SERPINI1: variants seen among roughly 807,000 people sequenced by gnomAD.
SERPINI1 encodes serpin family I member 1.
In SERPINI1, 19 loss-of-function variants were observed where a neutral mutation model predicts 41.1. The observed-to-expected ratio is 0.46, with a 90% CI of 0.32 to 0.68. The LOEUF is 0.68. Ranked by LOEUF, SERPINI1 falls within the 30% of genes least tolerant of loss-of-function variation. The pLI, the probability that SERPINI1 is intolerant of heterozygous loss-of-function variation, is 0.03. For synonymous variants in SERPINI1, 138 were observed against 156.6 expected, an observed-to-expected ratio of 0.88 and a Z score of 0.89; for missense variants, 460 against 479.2, an observed-to-expected ratio of 0.96 and a Z score of 0.37.
chr3:167,812,801 G>A (rs902703599), intron 6 of SERPINI1, among the ~76,000 whole-genome samples: 3 of 152,122 alleles, frequency 2.0e-5, no homozygotes, highest in African/African-American at 7.2e-5. Context: ...ACACAGTAAA[G>A]GCTCATACAA....
chr3:167,774,612 C>T lies in SERPINI1; in HGVS notation c.-18-14499C>T, dbSNP rs574211555. Among the ~76,000 whole-genome samples, 17 of 152,228 alleles carry T rather than the reference C, an allele frequency of 1.1e-4. 1 individual carries two copies. The South Asian group carries it at 2.7e-3, about 24-fold the overall frequency. Reference sequence around the variant, plus strand: ...GGTGGGCAAGCGAGAATTACCAACCCGAGCTCCACCTCCTGTCAGACCAGC... The same window carrying T: ...GGTGGGCAAGCGAGAATTACCAACCTGAGCTCCACCTCCTGTCAGACCAGC... On this transcript the variant is annotated intron_variant, in intron 1 of 8. Coordinates refer to ENST00000446050, the MANE Select transcript of SERPINI1 (RefSeq NM_001122752.2).
chr3:167,748,686 T>C (rs895638965), intron 1 of SERPINI1, among the ~76,000 whole-genome samples: 3 of 152,026 alleles, frequency 2.0e-5, no homozygotes, highest in Non-Finnish European at 2.9e-5. Context: ...GTTTTGTCCC[T>C]GAATTAGCTC....
chr3:167,779,565 C>CT, intron 1 of SERPINI1, among the ~76,000 whole-genome samples: 1 of 152,128 alleles, frequency 6.6e-6, no homozygotes, highest in Non-Finnish European at 1.5e-5. Context: ...AACTTCAAAA[C>CT]CCATAGAGTC....
chr3:167,793,136 G>A (rs1457306361), intron 4 of SERPINI1, among the ~76,000 whole-genome samples: 1 of 152,216 alleles, frequency 6.6e-6, no homozygotes, highest in Middle Eastern at 3.4e-3. Context: ...TTTAGGCTCT[G>A]CACCACTTTT....
chr3:167,762,216 A>T (rs1481139235), intron 1 of SERPINI1, among the ~76,000 whole-genome samples: 1 of 152,056 alleles, frequency 6.6e-6, no homozygotes, highest in Non-Finnish European at 1.5e-5. Flanking sequence ...GTGCTTCTCT[A>T]TAAGGTCAAT....
At chr3:167,783,740 A>G (rs766490457) in intron 1 of SERPINI1, among the ~76,000 whole-genome samples, 9 of 152,350 alleles carry the variant, frequency 5.9e-5, no homozygotes, top group Middle Eastern at 6.8e-3. Context: ...GAGGCAAAGG[A>G]GGGAGCCAGC....
intron 1 of SERPINI1, among the ~76,000 whole-genome samples, chr3:167,775,229 TTATTATTATTA>T (rs1220145213): frequency 3.5e-5 from 1 of 28,544 alleles, no homozygotes; most frequent in African/African-American, 2.2e-4. Context: ...TGTCACTTTA[TTATTATTATTA>T]TTATTATTAT....
intron 4 of SERPINI1, among the ~76,000 whole-genome samples, chr3:167,793,621 T>C (rs1727607177): frequency 1.4e-5 from 2 of 143,100 alleles, no homozygotes; most frequent in Admixed American, 1.4e-4. Flanking sequence ...GGCATAATGG[T>C]ACATACCTAT....
intron 2 of SERPINI1, 110 bp from the exon 3 acceptor site, chr3:167,790,262 C>T (rs928316238): frequency 2.6e-6 from 2 of 767,724 alleles, no homozygotes; most frequent in Non-Finnish European, 4.6e-6. Context: ...ACTTTTCCCC[C>T]AGGTGCCTGT....
chr3:167,794,855 G>A (rs1415109689), intron 5 of SERPINI1, 31 bp downstream of exon 5: 1 of 1,558,610 alleles, frequency 6.4e-7, no homozygotes, highest in Non-Finnish European at 8.8e-7. Context: ...CCGTCCCACA[G>A]CATGGACGAT....
chr3:167,758,108 T>C (rs190388365), intron 1 of SERPINI1, among the ~76,000 whole-genome samples: 2 of 152,342 alleles, frequency 1.3e-5, no homozygotes, highest in Admixed American at 6.5e-5. Context: ...TGTCTCCGTA[T>C]CTTTCTAAGT....
At chr3:167,807,366 A>C (rs759401192) in intron 6 of SERPINI1, 25 bp downstream of exon 6, 8 of 1,376,840 alleles carry the variant, frequency 5.8e-6, no homozygotes, top group Non-Finnish European at 8.3e-6. Context: ...CAAATTTTTA[A>C]AAATGTTATT....
At chr3:167,768,150 A>G (rs1726626775) in intron 1 of SERPINI1, among the ~76,000 whole-genome samples, 1 of 152,244 alleles carries the variant, frequency 6.6e-6, no homozygotes, top group Non-Finnish European at 1.5e-5. Flanking sequence ...ATTTTAAGAT[A>G]TTGCTACAAC....
intron 4 of SERPINI1, among the ~76,000 whole-genome samples, chr3:167,793,174 A>C (rs62279596): frequency 6.6e-6 from 1 of 152,092 alleles, no homozygotes; most frequent in Non-Finnish European, 1.5e-5. Context: ...TCTTATACAA[A>C]GACTTTTAAA....
At chr3:167,810,909 CAGG>C (rs1711853797) in intron 6 of SERPINI1, among the ~76,000 whole-genome samples, 1 of 152,104 alleles carries the variant, frequency 6.6e-6, no homozygotes, top group Non-Finnish European at 1.5e-5. Context: ...GCATCTTCAC[CAGG>C]AGTAGATCTC....
intron 1 of SERPINI1, among the ~76,000 whole-genome samples, chr3:167,777,477 T>C (rs1044324507): frequency 6.6e-6 from 1 of 152,184 alleles, no homozygotes; most frequent in African/African-American, 2.4e-5. Flanking sequence ...ATTGTAGTTG[T>C]GAAATATTCT....
intron 1 of SERPINI1, among the ~76,000 whole-genome samples, chr3:167,778,235 T>C (rs1053014440): frequency 2.6e-5 from 4 of 152,210 alleles, no homozygotes; most frequent in Admixed American, 2.6e-4. Flanking sequence ...AGTCCTGTGT[T>C]ACAGCCCAAT....
intron 6 of SERPINI1, among the ~76,000 whole-genome samples, chr3:167,814,290 C>CATGAATGA (rs10690161): frequency 2.6e-5 from 4 of 151,926 alleles, no homozygotes; most frequent in African/African-American, 7.3e-5. Context: ...GTGCTCAGCA[C>CATGAATGA]ATGAATGAAT....
At chr3:167,793,859 T>G (rs1727622859) in intron 4 of SERPINI1, among the ~76,000 whole-genome samples, 1 of 151,358 alleles carries the variant, frequency 6.6e-6, no homozygotes, top group Non-Finnish European at 1.5e-5. Flanking sequence ...TGTGTGTGTG[T>G]GTGTGTGTGT....
Sources: gnomAD v4.1 joint callset for allele counts (sites outside exome capture counted in the v4.1 genomes callset) on GRCh38, gnomAD v4.1.1 for gene constraint, MANE v1.5 for transcripts, NCBI Gene and HGNC (gene_info 2026-07-23, HGNC 2026-07-21) for gene names.